The following HOOK1 variants were observed in gnomAD, a reference collection of about 807,000 sequenced individuals.
HOOK1 encodes the protein hook microtubule tethering protein 1.
HOOK1 carries 60 observed loss-of-function variants against 112.8 expected under a neutral mutation model. That is an observed-to-expected ratio of 0.53 (90% CI 0.43 to 0.66). The LOEUF is 0.66. Ranked by LOEUF, HOOK1 falls within the 30% of genes least tolerant of loss-of-function variation. HOOK1 has a pLI of 0.00. For synonymous variants in HOOK1, 294 were observed against 283.8 expected, an observed-to-expected ratio of 1.04 and a Z score of -0.36; for missense variants, 770 against 856.0, an observed-to-expected ratio of 0.90 and a Z score of 1.25.
intron 14 of HOOK1, among the ~76,000 whole-genome samples, chr1:59,859,619 C>A (rs1258765622): frequency 6.6e-6 from 1 of 151,002 alleles, no homozygotes; most frequent in Non-Finnish European, 1.5e-5. Flanking sequence ...GTATTACCTC[C>A]CTATTTAATA....
intron 9 of HOOK1, among the ~76,000 whole-genome samples, chr1:59,846,521 C>T (rs2098403873): frequency 7.1e-6 from 1 of 140,508 alleles, no homozygotes. Flanking sequence ...TTCTTCCTTC[C>T]TTCCTTTTCC....
intron 2 of HOOK1, among the ~76,000 whole-genome samples, chr1:59,825,822 A>C (rs2098389455): frequency 1.3e-5 from 2 of 152,334 alleles, no homozygotes; most frequent in South Asian, 4.1e-4. Context: ...GTATAGATAG[A>C]TGTCCATATA....
intron 1 of HOOK1, among the ~76,000 whole-genome samples, chr1:59,820,699 G>A (rs2098384989): frequency 6.6e-6 from 1 of 152,024 alleles, no homozygotes; most frequent in South Asian, 2.1e-4. Flanking sequence ...AACATTTTGT[G>A]CATACTGTAA....
chr1:59,823,463 AATT>A (rs2098387399), intron 2 of HOOK1, among the ~76,000 whole-genome samples: 1 of 152,132 alleles, frequency 6.6e-6, no homozygotes, highest in Admixed American at 6.5e-5. Context: ...TTGTCACTAG[AATT>A]TATGCCTTGC....
At chr1:59,866,689 C>T (rs139659074) in intron 19 of HOOK1, among the ~76,000 whole-genome samples, 80 of 152,278 alleles carry the variant, frequency 5.3e-4, no homozygotes, top group African/African-American at 1.8e-3. Context: ...CACTTTCACT[C>T]CCACTTTGGA....
chr1:59,831,515 C>CA (rs2098393957), intron 3 of HOOK1, among the ~76,000 whole-genome samples: 2 of 152,264 alleles, frequency 1.3e-5, no homozygotes, highest in South Asian at 4.1e-4. Context: ...GGTATTTAGC[C>CA]AAAGAGTCAA....
chr1:59,846,592 T>TCCCTCCCA, intron 9 of HOOK1, among the ~76,000 whole-genome samples: 1 of 43,362 alleles, frequency 2.3e-5, no homozygotes, highest in South Asian at 8.9e-4. Context: ...CCTTCCTCCC[T>TCCCTCCCA]CCTCCCTCCC....
At chr1:59,848,664 T>G (rs1036447559) in intron 11 of HOOK1, 148 bp downstream of exon 11, 1 of 596,884 alleles carries the variant, frequency 1.7e-6, no homozygotes, top group Non-Finnish European at 2.9e-6. Flanking sequence ...TCTTTAATTT[T>G]AATTCAAGGA....
At chr1:59,851,895 T>C (rs1480501985) in intron 12 of HOOK1, among the ~76,000 whole-genome samples, 2 of 151,744 alleles carry the variant, frequency 1.3e-5, no homozygotes, top group Admixed American at 1.3e-4. Flanking sequence ...GTATCGGATT[T>C]TGTCAGATGC....
At chr1:59,838,041 T>G (rs988394115) in intron 7 of HOOK1, among the ~76,000 whole-genome samples, 1 of 152,200 alleles carries the variant, frequency 6.6e-6, no homozygotes, top group African/African-American at 2.4e-5. Flanking sequence ...TTTTTATGGC[T>G]GCATAGTATT....
At chr1:59,833,571 T>A (rs1461969840) in intron 5 of HOOK1, 34 bp downstream of exon 5, 2 of 1,491,858 alleles carry the variant, frequency 1.3e-6, no homozygotes, top group African/African-American at 2.8e-5. Flanking sequence ...GGATTTCTAC[T>A]TTCTAGAAAC....
At chr1:59,870,366 T>G (rs1487157665) in intron 20 of HOOK1, among the ~76,000 whole-genome samples, 1 of 152,236 alleles carries the variant, frequency 6.6e-6, no homozygotes, top group Non-Finnish European at 1.5e-5. Context: ...GGCTGTTCTA[T>G]CTGCCATCCC....
At chr1:59,848,095 T>C (rs1334966951) in intron 10 of HOOK1, among the ~76,000 whole-genome samples, 1 of 151,714 alleles carries the variant, frequency 6.6e-6, no homozygotes, top group Non-Finnish European at 1.5e-5. Flanking sequence ...CATTTTTATT[T>C]TGATGGCTTT....
Position 59,836,907 on chromosome 1 carries a change from A to T in HOOK1, c.509A>T (p.Asn170Ile), listed in dbSNP as rs764141499. The T allele has an allele frequency of 1.3e-5, 21 of 1,596,590 alleles. No individual in the cohort carries two copies. The highest frequency in any genetic ancestry group is 1.7e-5 in the Non-Finnish European group (20 of 1,167,594). Reference sequence around the variant, plus strand: ...AAAGAAATATTGAGCTCTCCTCCAAATGATGCTGTTGGAGAATTGGAGCAA... The same window carrying T: ...AAAGAAATATTGAGCTCTCCTCCAATTGATGCTGTTGGAGAATTGGAGCAA... ...MSKEILSSPP[N>I]DAVGELEQQL... is the part of the protein sequence containing the mutation. The change falls in exon 7 of 22, where the codon AAT (asparagine) becomes ATT (isoleucine). Residue 170 changes from asparagine to isoleucine, a missense_variant. Physicochemically the swap from Asn to Ile is moderately radical, Grantham distance 149 (BLOSUM62 -3). Coordinates refer to ENST00000371208, the MANE Select transcript of HOOK1 (RefSeq NM_015888.6).
intron 19 of HOOK1, among the ~76,000 whole-genome samples, chr1:59,867,624 G>T (rs1205833379): frequency 6.6e-6 from 1 of 152,104 alleles, no homozygotes; most frequent in Non-Finnish European, 1.5e-5. Flanking sequence ...CTAACAGATT[G>T]CTATCTCCAT....
At position 59,876,134 on chromosome 1, in the gene HOOK1, GTAAAGCACAAACCA is replaced by G. The variant is rs1644123443; in HGVS notation, c.*3174_*3187del. 6.6e-6 allele frequency: 1 copy of G among 152,602 alleles called. No individual in the cohort carries two copies. Among genetic ancestry groups the G allele is most frequent in the Non-Finnish European group, 1.5e-5 (1 of 68,022 alleles). The allele number at this position is 152,602 out of a possible 1,614,324, so 9.5% of individuals were successfully genotyped here. A position where few individuals can be genotyped will look rare whatever the true frequency, so the allele number is the denominator to read the frequency against. ...TTGTGAAGAAGTAGTTTGGAAATTT[GTAAAGCACAAACCA>G]TAAAAGAGTGTGGAGTTATTAAATG... On this transcript the variant is annotated 3_prime_UTR_variant, in exon 22 of 22. Transcript: ENST00000371208.
At chr1:59,857,961 C>T (rs2098411588) in intron 12 of HOOK1, among the ~76,000 whole-genome samples, 1 of 152,186 alleles carries the variant, frequency 6.6e-6, no homozygotes, top group African/African-American at 2.4e-5. Context: ...CTCTTACACA[C>T]CAACCTATAT....
At chr1:59,833,632 C>A in intron 5 of HOOK1, 95 bp downstream of exon 5, 1 of 1,026,664 alleles carries the variant, frequency 9.7e-7, no homozygotes, top group Non-Finnish European at 1.3e-6. Context: ...TAAAGCTTGG[C>A]AGAAAGCACC....
intron 15 of HOOK1, among the ~76,000 whole-genome samples, chr1:59,862,329 C>T (rs1055177916): frequency 6.6e-6 from 1 of 152,048 alleles, no homozygotes. Flanking sequence ...GAGTTAGTTG[C>T]TAGTGGCACT....
Sources: gnomAD v4.1 joint callset for allele counts (sites outside exome capture counted in the v4.1 genomes callset) on GRCh38, gnomAD v4.1.1 for gene constraint, MANE v1.5 for transcripts, NCBI Gene and HGNC (gene_info 2026-07-23, HGNC 2026-07-21) for gene names.